Variants in MTUS1 observed in about 807,000 individuals in gnomAD.
MTUS1 encodes the protein microtubule associated scaffold protein 1, also known as microtubule-associated tumor suppressor 1.
MTUS1 carries 109 observed loss-of-function variants against 120.8 expected under a neutral mutation model. The observed-to-expected ratio is 0.90, with a 90% CI of 0.77 to 1.06. The LOEUF is 1.06. Among genes scored for constraint, MTUS1 ranks in the 50% least tolerant of loss-of-function variants. The probability of loss-of-function intolerance (pLI) is 0.00; values close to 1 mark genes in which losing one functional copy is unlikely to be tolerated. For synonymous variants in MTUS1, 737 were observed against 550.5 expected, an observed-to-expected ratio of 1.34 and a Z score of -4.74; for missense variants, 2,210 against 1,486.3, an observed-to-expected ratio of 1.49 and a Z score of -8.01.
chr8:17,652,785 G>A (rs1224449156), intron 12 of MTUS1, among the ~76,000 whole-genome samples: 3 of 150,850 alleles, frequency 2.0e-5, no homozygotes, highest in Non-Finnish European at 2.9e-5. Flanking sequence ...GCAGTGAGCC[G>A]AGATCACGCC....
At chr8:17,735,723 C>CTTCG (rs1277093592) in intron 3 of MTUS1, among the ~76,000 whole-genome samples, 2 of 152,278 alleles carry the variant, frequency 1.3e-5, no homozygotes, top group Non-Finnish European at 2.9e-5. Context: ...ATACACAGTG[C>CTTCG]TTCGCACAGG....
At chr8:17,758,415 T>C (rs10098257) in intron 1 of MTUS1, among the ~76,000 whole-genome samples, 7,670 of 152,304 alleles carry the variant, frequency 0.05, 326 homozygotes, top group African/African-American at 0.12. Context: ...ATTTATATAC[T>C]GATGGAAAGT....
At position 17,679,329 on chromosome 8, in the gene MTUS1, T is replaced by C. The variant is rs370181638; in HGVS notation, c.2839-4077A>G. On this transcript the variant is annotated intron_variant, in intron 7 of 14. Coordinates refer to ENST00000693296, the MANE Select transcript of MTUS1 (RefSeq NM_001363059.2). ...TATACAATGTGTATCTGTATCTATT[T>C]TATATACATATGCATGTGTGCGCGC... Among the ~76,000 whole-genome samples, 12 of 145,348 alleles carry C rather than the reference T, an allele frequency of 8.3e-5. No homozygotes were observed. The East Asian group carries it at 1.4e-3, about 17-fold the overall frequency.
intron 6 of MTUS1, among the ~76,000 whole-genome samples, chr8:17,699,352 T>C (rs1172440549): frequency 6.6e-6 from 1 of 152,112 alleles, no homozygotes; most frequent in Non-Finnish European, 1.5e-5. Flanking sequence ...GTAGATGGGA[T>C]TACAGGTGCC....
At chr8:17,726,464 G>A (rs2131138866) in intron 3 of MTUS1, among the ~76,000 whole-genome samples, 1 of 152,178 alleles carries the variant, frequency 6.6e-6, no homozygotes, top group East Asian at 1.9e-4. Context: ...TCAGGAACTG[G>A]CAAAGGTCTA....
chr8:17,786,685 G>A (rs997260784), intron 1 of MTUS1, among the ~76,000 whole-genome samples: 9 of 152,178 alleles, frequency 5.9e-5, no homozygotes, highest in African/African-American at 2.2e-4. Flanking sequence ...GAATGTGTAA[G>A]TGTCCCACCT....
chr8:17,721,825 G>T (rs777624009), intron 4 of MTUS1: 2 of 1,614,138 alleles, frequency 1.2e-6, no homozygotes, highest in Non-Finnish European at 1.7e-6. Flanking sequence ...AGCCGGTGGG[G>T]TGAGTGTAGA....
chr8:17,667,291 T>C lies in MTUS1; in HGVS notation c.2905+7895A>G, dbSNP rs151021230. On this transcript the variant is annotated intron_variant, in intron 8 of 14. Coordinates refer to ENST00000693296, the MANE Select transcript of MTUS1 (RefSeq NM_001363059.2). Reference sequence around the variant, plus strand: ...TAAACAGCCCTGTTTTGGTGTACAGTTGGTTTTCAGTATATTAATAGATTT... The same window carrying C: ...TAAACAGCCCTGTTTTGGTGTACAGCTGGTTTTCAGTATATTAATAGATTT... 3.3e-3 allele frequency among the ~76,000 whole-genome samples: 507 copies of C among 152,326 alleles called. 1 individual carries two copies. The highest frequency in any genetic ancestry group is 7.0e-3 in the Admixed American group (107 of 15,302).
chr8:17,675,472 C>A (rs547416132), intron 7 of MTUS1, among the ~76,000 whole-genome samples: 1 of 152,290 alleles, frequency 6.6e-6, no homozygotes, highest in South Asian at 2.1e-4. Context: ...CCCAGTGAAA[C>A]TTTGGTTTGA....
At chr8:17,791,114 G>A (rs959847547) in intron 1 of MTUS1, among the ~76,000 whole-genome samples, 4 of 152,088 alleles carry the variant, frequency 2.6e-5, no homozygotes, top group Non-Finnish European at 4.4e-5. Context: ...GAAATGGACC[G>A]GTACAAGTCC....
intron 8 of MTUS1, among the ~76,000 whole-genome samples, chr8:17,669,366 C>G (rs1811542483): frequency 6.6e-6 from 1 of 152,048 alleles, no homozygotes; most frequent in Non-Finnish European, 1.5e-5. Flanking sequence ...AAGATGTGGA[C>G]AAGAGGTGCA....
upstream of MTUS1, chr8:17,801,279 A>T (rs1316855690): frequency 2.0e-5 from 3 of 151,722 alleles, no homozygotes; most frequent in East Asian, 5.9e-4. Flanking sequence ...CGGGGCCGCC[A>T]GGGGGTGGAG....
chr8:17,704,579 G>A (rs1003026843), intron 6 of MTUS1, among the ~76,000 whole-genome samples: 6 of 152,172 alleles, frequency 3.9e-5, no homozygotes, highest in South Asian at 2.1e-4. Context: ...TTAGCTAACC[G>A]TATATGCACG....
At chr8:17,775,186 C>G (rs2050325862) in intron 1 of MTUS1, among the ~76,000 whole-genome samples, 1 of 152,036 alleles carries the variant, frequency 6.6e-6, no homozygotes, top group African/African-American at 2.4e-5. Context: ...AGTTACACAA[C>G]TTTGTGAATG....
At chr8:17,778,145 TA>T (rs1161079711) in intron 1 of MTUS1, among the ~76,000 whole-genome samples, 3 of 152,242 alleles carry the variant, frequency 2.0e-5, no homozygotes, top group South Asian at 2.1e-4. Flanking sequence ...ACGGGTAGAT[TA>T]TTTTTTTTTA....
intron 8 of MTUS1, among the ~76,000 whole-genome samples, chr8:17,661,601 C>G (rs774520090): frequency 6.6e-6 from 1 of 151,926 alleles, no homozygotes; most frequent in Non-Finnish European, 1.5e-5. Context: ...CACAGAAGTC[C>G]TTTCCTATTA....
intron 1 of MTUS1, among the ~76,000 whole-genome samples, chr8:17,791,597 T>G (rs1465877108): frequency 2.0e-5 from 3 of 152,126 alleles, no homozygotes; most frequent in Admixed American, 6.5e-5. Flanking sequence ...AAAACACAGT[T>G]CAAATGGAGT....
chr8:17,754,611 G>A lies in MTUS1; in HGVS notation c.1197C>T (p.Ser399=), dbSNP rs373722582. 1.2e-5 allele frequency: 19 copies of A among 1,614,032 alleles called. No individual in the cohort carries two copies. Among genetic ancestry groups the A allele is most frequent in the Admixed American group, 8.3e-5 (5 of 60,006 alleles). The stretch of plus-strand genomic sequence containing the variant: ...ACGAGCCCACCTTTTGTCCTGGCGG[G>A]CTACTTAGAATCAATTCTGAGGTAT... ...QNHTSELILS[S]PPGQKVGSSF... is the part of the protein sequence containing the mutation. The change falls in exon 2 of 15, where the codon AGC becomes AGT. Residue 399 remains serine, a synonymous_variant. Coordinates refer to ENST00000693296, the MANE Select transcript of MTUS1 (RefSeq NM_001363059.2).
In MTUS1 at chr8:17,769,627, G is replaced by A. The variant is rs537183363; in HGVS notation, c.-154-13666C>T. On this transcript the variant is annotated intron_variant, in intron 1 of 14. Transcript: ENST00000693296. ...CTCCCAAAGTGCTGGGATTACAGGC[G>A]TGAGCCACCCGCGCCCGGCCCTTAG... Among the ~76,000 whole-genome samples, 52 of 152,116 alleles carry A rather than the reference G, an allele frequency of 3.4e-4. 1 individual carries two copies. The South Asian group carries it at 1.0e-2, about 29-fold the overall frequency.
Sources: gnomAD v4.1 joint callset for allele counts (sites outside exome capture counted in the v4.1 genomes callset) on GRCh38, gnomAD v4.1.1 for gene constraint, MANE v1.5 for transcripts, NCBI Gene and HGNC (gene_info 2026-07-23, HGNC 2026-07-21) for gene names.